Variants in SCHIP1 observed in about 807,000 individuals in gnomAD.
The protein encoded by SCHIP1 is schwannomin-interacting protein 1.
A neutral mutation model predicts 29.7 loss-of-function variants in SCHIP1; 8 were observed. The ratio of observed to expected loss-of-function variants is 0.27; its 90% CI spans 0.16 to 0.49. SCHIP1 has a LOEUF of 0.49. Among genes scored for constraint, SCHIP1 ranks in the 20% least tolerant of loss-of-function variants. SCHIP1 has a pLI of 0.99. For synonymous variants in SCHIP1, 76 were observed against 94.9 expected, an observed-to-expected ratio of 0.80 and a Z score of 1.16; for missense variants, 193 against 294.6, an observed-to-expected ratio of 0.66 and a Z score of 2.52.
intron 2 of SCHIP1, among the ~76,000 whole-genome samples, chr3:159,877,334 G>T (rs543991680): frequency 6.6e-6 from 1 of 152,306 alleles, no homozygotes; most frequent in East Asian, 1.9e-4. Context: ...TGGGTGACAA[G>T]AGCGAAACTC....
At chr3:159,794,302 T>A in the SCHIP1 span, among the ~76,000 whole-genome samples, 1 of 152,232 alleles carries the variant, frequency 6.6e-6, no homozygotes, top group African/African-American at 2.4e-5. Flanking sequence ...AATACCATGT[T>A]CAGAATTTTA....
chr3:159,368,509 G>T, the SCHIP1 span, among the ~76,000 whole-genome samples: 1 of 152,198 alleles, frequency 6.6e-6, no homozygotes, highest in African/African-American at 2.4e-5. Flanking sequence ...ATTGGCTAAT[G>T]TTGAACGAAT....
upstream of SCHIP1, among the ~76,000 whole-genome samples, chr3:159,836,263 C>A (rs1022308986): frequency 6.6e-6 from 1 of 152,138 alleles, no homozygotes; most frequent in African/African-American, 2.4e-5. Flanking sequence ...TCTCATGAGG[C>A]CCCGTTTCCT....
the SCHIP1 span, among the ~76,000 whole-genome samples, chr3:159,586,304 C>T: frequency 6.6e-6 from 1 of 152,154 alleles, no homozygotes; most frequent in Non-Finnish European, 1.5e-5. Context: ...ATGTCCCCTT[C>T]CTCTAGGTTT....
chr3:159,676,152 A>C, the SCHIP1 span, among the ~76,000 whole-genome samples: 6 of 152,204 alleles, frequency 3.9e-5, no homozygotes, highest in African/African-American at 1.4e-4. Context: ...TTACATATGA[A>C]ATCTATGGAC....
At chr3:159,576,726 G>A in the SCHIP1 span, among the ~76,000 whole-genome samples, 13 of 151,882 alleles carry the variant, frequency 8.6e-5, no homozygotes, top group African/African-American at 1.9e-4. Context: ...TCAACTCCCC[G>A]ACTTATGCCC....
chr3:159,280,334 C>T, the SCHIP1 span, among the ~76,000 whole-genome samples: 1 of 152,138 alleles, frequency 6.6e-6, no homozygotes, highest in Non-Finnish European at 1.5e-5. Context: ...ACTAGCCTGC[C>T]TAGTAATCTC....
chr3:159,457,934 A>C, the SCHIP1 span, among the ~76,000 whole-genome samples: 4 of 152,316 alleles, frequency 2.6e-5, no homozygotes, highest in South Asian at 8.3e-4. Context: ...GGTAACTGGA[A>C]TTATGGAAGG....
At chr3:159,612,043 T>C in the SCHIP1 span, among the ~76,000 whole-genome samples, 2 of 152,080 alleles carry the variant, frequency 1.3e-5, no homozygotes, top group Non-Finnish European at 2.9e-5. Flanking sequence ...AAATCAAAAC[T>C]TTACAGGCAT....
the SCHIP1 span, among the ~76,000 whole-genome samples, chr3:159,586,851 A>G: frequency 2.6e-5 from 4 of 152,332 alleles, no homozygotes; most frequent in African/African-American, 7.2e-5. Flanking sequence ...AGCTCTTGTC[A>G]AAATAAACAA....
At chr3:159,382,373 T>C in the SCHIP1 span, among the ~76,000 whole-genome samples, 2 of 151,324 alleles carry the variant, frequency 1.3e-5, no homozygotes, top group Admixed American at 1.3e-4. Flanking sequence ...TTTTTTGTTC[T>C]TGCGATAGTT....
the SCHIP1 span, among the ~76,000 whole-genome samples, chr3:159,336,789 T>A: frequency 2.6e-5 from 4 of 152,188 alleles, no homozygotes; most frequent in Non-Finnish European, 5.9e-5. Flanking sequence ...TGCCTCCAGC[T>A]TTGTTCTTTT....
At chr3:159,686,674 A>G in the SCHIP1 span, among the ~76,000 whole-genome samples, 1 of 152,248 alleles carries the variant, frequency 6.6e-6, no homozygotes, top group African/African-American at 2.4e-5. Context: ...AGCTCTAGAA[A>G]CTAAAAACAT....
chr3:159,801,875 G>A, the SCHIP1 span, among the ~76,000 whole-genome samples: 4 of 152,186 alleles, frequency 2.6e-5, no homozygotes, highest in African/African-American at 9.6e-5. Flanking sequence ...AAAAGAACTT[G>A]ATGCAGCCCA....
chr3:159,623,780 A>G, the SCHIP1 span, among the ~76,000 whole-genome samples: 2 of 144,152 alleles, frequency 1.4e-5, no homozygotes, highest in Admixed American at 1.3e-4. Context: ...GAGAGAATGT[A>G]GTGTACCCCA....
chr3:159,669,267 G>A, the SCHIP1 span, among the ~76,000 whole-genome samples: 1 of 152,214 alleles, frequency 6.6e-6, no homozygotes, highest in Non-Finnish European at 1.5e-5. Context: ...AAAAGGAGGA[G>A]TTGTTGTCAA....
chr3:159,777,995 T>G, the SCHIP1 span, among the ~76,000 whole-genome samples: 126 of 152,278 alleles, frequency 8.3e-4, 1 homozygote, highest in Admixed American at 3.9e-3. Flanking sequence ...AAACATTTTT[T>G]TTTTTTTGAG....
At chr3:159,498,186 G>T in the SCHIP1 span, among the ~76,000 whole-genome samples, 1 of 152,076 alleles carries the variant, frequency 6.6e-6, no homozygotes. Flanking sequence ...AATTAACTCT[G>T]CCAACAGCTC....
chr3:159,623,346 T>A, the SCHIP1 span, among the ~76,000 whole-genome samples: 1 of 152,198 alleles, frequency 6.6e-6, no homozygotes, highest in Admixed American at 6.5e-5. Flanking sequence ...GTTATAATGT[T>A]GTTTGAATAA....
Sources: gnomAD v4.1 joint callset for allele counts (sites outside exome capture counted in the v4.1 genomes callset) on GRCh38, gnomAD v4.1.1 for gene constraint, MANE v1.5 for transcripts, NCBI Gene and HGNC (gene_info 2026-07-23, HGNC 2026-07-21) for gene names.